The following PDXDC1 variants were observed in gnomAD, a reference collection of about 807,000 sequenced individuals.
PDXDC1 encodes pyridoxal-dependent decarboxylase domain-containing protein 1.
Under a neutral mutation model 100.1 loss-of-function variants are expected in PDXDC1, and 42 were observed. That is an observed-to-expected ratio of 0.42 (90% CI 0.33 to 0.54). The LOEUF (loss-of-function observed/expected upper bound fraction) is 0.54, where lower values mean the gene tolerates loss of function less well. Ranked by LOEUF, PDXDC1 falls within the 20% of genes least tolerant of loss-of-function variation. The pLI is 0.10. For missense variants in PDXDC1, 636 were observed against 979.2 expected (o/e 0.65, Z 4.68); for synonymous variants, 260 against 371.7 (o/e 0.70, Z 3.46).
intron 13 of PDXDC1, chr16:15,025,696 T>C (rs1464256467): frequency 6.6e-6 from 1 of 152,392 alleles, no homozygotes; most frequent in Non-Finnish European, 1.5e-5. Context: ...GAACATAAGT[T>C]TTATTACTAG....
At chr16:14,990,031 C>T (rs1970382387) in intron 1 of PDXDC1, 3 of 1,476,082 alleles carry the variant, frequency 2.0e-6, no homozygotes, top group Non-Finnish European at 2.7e-6. Flanking sequence ...AGGCCGCCCG[C>T]CGCCCGCTGC....
chr16:15,099,332 A>G (rs768417042), intron 16 of PDXDC1, among the ~76,000 whole-genome samples: 1 of 144,042 alleles, frequency 6.9e-6, no homozygotes, highest in Non-Finnish European at 1.5e-5. Context: ...AGGCTGGAGA[A>G]TTGCTTGAAC....
chr16:15,074,576 C>G, intron 16 of PDXDC1: 1 of 496,390 alleles, frequency 2.0e-6, no homozygotes, highest in African/African-American at 2.0e-5. Flanking sequence ...TGGCAAGTAA[C>G]TTGACCTCTT....
At chr16:15,008,104 A>G (rs574654832) in intron 6 of PDXDC1, among the ~76,000 whole-genome samples, 35 of 152,398 alleles carry the variant, frequency 2.3e-4, no homozygotes, top group African/African-American at 8.4e-4. Context: ...TGGGTGTCAC[A>G]TTCATAATTT....
intron 16 of PDXDC1, among the ~76,000 whole-genome samples, chr16:15,124,537 G>C (rs986327463): frequency 2.0e-5 from 3 of 151,422 alleles, no homozygotes; most frequent in African/African-American, 7.3e-5. Flanking sequence ...CACTTTGGGA[G>C]GCCGAGGTGG....
At chr16:15,063,315 T>G in intron 16 of PDXDC1, 1 of 1,514,258 alleles carries the variant, frequency 6.6e-7, no homozygotes, top group Non-Finnish European at 9.2e-7. Context: ...CAAAGTCAAG[T>G]TAAATACTTC....
rs779135028 is a variant in PDXDC1 at position 15,038,146 on chromosome 16, A to G, written c.*1871A>G. 1.9e-6 allele frequency: 3 copies of G among 1,613,354 alleles called. No homozygotes were observed. Among genetic ancestry groups the G allele is most frequent in the Admixed American group, 3.3e-5 (2 of 59,998 alleles). ...TGGAGATGGGTGTTTTTTTAAAAAC[A>G]TCAAGGTAGATCTAATATGTTCAAC... On this transcript the variant is annotated 3_prime_UTR_variant, in exon 23 of 23. Transcript: ENST00000396410.
chr16:15,096,895 C>T (rs1005577003), intron 16 of PDXDC1, among the ~76,000 whole-genome samples: 1 of 152,110 alleles, frequency 6.6e-6, no homozygotes, highest in African/African-American at 2.4e-5. Flanking sequence ...TCTTGAACCC[C>T]CGGCCCAAGT....
chr16:15,133,783 G>GA (rs2048220843), intron 16 of PDXDC1: 3 of 1,588,238 alleles, frequency 1.9e-6, no homozygotes, highest in Non-Finnish European at 2.6e-6. Context: ...CCCTAAGCAG[G>GA]CCTGTACTCA....
intron 16 of PDXDC1, chr16:15,045,390 C>G (rs145420226): frequency 2.6e-5 from 4 of 152,068 alleles, no homozygotes; most frequent in African/African-American, 9.7e-5. Flanking sequence ...TCACTTGGAC[C>G]CAGGAGGCAG....
intron 13 of PDXDC1, among the ~76,000 whole-genome samples, chr16:15,024,019 A>G (rs1366640894): frequency 6.6e-6 from 1 of 152,278 alleles, no homozygotes; most frequent in African/African-American, 2.4e-5. Flanking sequence ...TGCCCCTGCC[A>G]TGTTGAGCGC....
intron 21 of PDXDC1, among the ~76,000 whole-genome samples, 188 bp from the exon 22 acceptor site, chr16:15,035,261 G>T (rs2043340415): frequency 6.6e-6 from 1 of 152,182 alleles, no homozygotes. Flanking sequence ...GATGCTGGCG[G>T]TACTGGCCCT....
At chr16:14,983,983 T>C (rs573674676) in intron 1 of PDXDC1, among the ~76,000 whole-genome samples, 17 of 152,350 alleles carry the variant, frequency 1.1e-4, no homozygotes, top group African/African-American at 3.6e-4. Context: ...GGCAACACAG[T>C]GAGACTCCTA....
At chr16:15,140,551 A>C (rs942239885), downstream of PDXDC1, among the ~76,000 whole-genome samples, 25 of 152,232 alleles carry the variant, frequency 1.6e-4, no homozygotes, top group Middle Eastern at 3.4e-3. Flanking sequence ...CAATTAAAAG[A>C]AGCACAATTG....
rs2151761609 is a variant in PDXDC1 at position 15,065,094 on chromosome 16, A to G, written c.1399+35038A>G. On this transcript the variant is annotated intron_variant, in intron 16 of 16. Coordinates refer to the PDXDC1 transcript ENST00000535621. The stretch of plus-strand genomic sequence containing the variant: ...GTCAGGAGAATGGTGTGAACCCGGG[A>G]GGCGGAGCTTGCGGTAAGCCGAGAT... The G allele has an allele frequency of 5.5e-6, 5 of 903,890 alleles. No homozygotes were observed. The East Asian group carries it at 1.0e-4, about 18-fold the overall frequency. The allele number at this position is 903,890 out of a possible 1,614,324, so 56.0% of individuals were successfully genotyped here.
At chr16:15,093,554 G>C (rs531023763) in intron 16 of PDXDC1, among the ~76,000 whole-genome samples, 3 of 152,254 alleles carry the variant, frequency 2.0e-5, no homozygotes, top group Admixed American at 2.0e-4. Flanking sequence ...GCAGGAGCTC[G>C]ATAATTATTA....
intron 16 of PDXDC1, among the ~76,000 whole-genome samples, chr16:15,098,128 G>A (rs912833904): frequency 1.3e-5 from 2 of 150,942 alleles, no homozygotes; most frequent in Admixed American, 6.6e-5. Flanking sequence ...TTTTTCTAGG[G>A]TGGAACTGTT....
intron 16 of PDXDC1, chr16:15,133,005 T>G: frequency 3.5e-6 from 5 of 1,410,746 alleles, no homozygotes; most frequent in Non-Finnish European, 4.9e-6. Context: ...CCCGCAACAC[T>G]GAGCTGTTTC....
intron 16 of PDXDC1, among the ~76,000 whole-genome samples, chr16:15,088,434 C>G (rs1197857405): frequency 6.6e-6 from 1 of 152,150 alleles, no homozygotes; most frequent in Non-Finnish European, 1.5e-5. Flanking sequence ...GCCCATTACA[C>G]TCCAGCCCGG....
Sources: gnomAD v4.1 joint callset for allele counts (sites outside exome capture counted in the v4.1 genomes callset) on GRCh38, gnomAD v4.1.1 for gene constraint, MANE v1.5 for transcripts, NCBI Gene and HGNC (gene_info 2026-07-23, HGNC 2026-07-21) for gene names.